The following KIRREL3 variants were observed in gnomAD, a reference collection of about 807,000 sequenced individuals.
The protein encoded by KIRREL3 is kin of IRRE-like protein 3.
Under a neutral mutation model 89.7 loss-of-function variants are expected in KIRREL3, and 36 were observed. The observed-to-expected ratio is 0.40, with a 90% confidence interval of 0.31 to 0.53. The LOEUF (loss-of-function observed/expected upper bound fraction) is 0.53. KIRREL3 is among the 20% of genes least tolerant of loss of function. The pLI is 0.49. For missense variants in KIRREL3, 864 were observed against 1,056.6 expected (o/e 0.82, Z 2.53); for synonymous variants, 445 against 441.4 (o/e 1.01, Z -0.10).
chr11:126,435,288 G>A lies in KIRREL3; in HGVS notation c.1568C>T (p.Ser523Leu). 18 of 1,613,204 alleles carry A rather than the reference G, an allele frequency of 1.1e-5. No homozygotes were observed. Among genetic ancestry groups the A allele is most frequent in the Non-Finnish European group, 1.4e-5 (16 of 1,179,556 alleles). The change falls in exon 13 of 17, where the codon TCG (serine) becomes TTG (leucine). Residue 523 changes from serine to leucine, a missense_variant. Physicochemically the swap from Ser to Leu is moderately radical, Grantham distance 145 (BLOSUM62 -2). Transcript: ENST00000525144. ...RLKEQGSEMK[S>L]GAGLEAESVP... Reference sequence around the variant, plus strand: ...CGTACCTGCTTCCAGCCCGGCTCCCGACTTCATTTCCGAACCTGTTTGGAA... The same window carrying A: ...CGTACCTGCTTCCAGCCCGGCTCCCAACTTCATTTCCGAACCTGTTTGGAA...
intron 1 of KIRREL3, among the ~76,000 whole-genome samples, chr11:126,799,012 CTGTGTGTATCTGTGCGTGTGCA>C (rs1195719058): frequency 6.6e-6 from 1 of 151,292 alleles, no homozygotes; most frequent in Non-Finnish European, 1.5e-5. Context: ...CTGTGTGTGC[CTGTGTGTATCTGTGCGTGTGCA>C]TGTGTGCATC....
chr11:126,457,128 C>A (rs1041752670), intron 6 of KIRREL3, among the ~76,000 whole-genome samples: 1 of 150,436 alleles, frequency 6.6e-6, no homozygotes, highest in Admixed American at 6.6e-5. Context: ...GACCGGAGGC[C>A]GACAGCGAGA....
In KIRREL3 at chr11:126,623,865, G is replaced by A. The variant is rs890257305; in HGVS notation, c.56-60953C>T. 6.6e-6 allele frequency among the ~76,000 whole-genome samples: 1 copy of A among 152,176 alleles called. No individual in the cohort carries two copies. The highest frequency in any genetic ancestry group is 2.4e-5 in the African/African-American group (1 of 41,430). On this transcript the variant is annotated intron_variant, in intron 1 of 16. Transcript: ENST00000525144. The surrounding 1 kb of genome is among the most constrained non-coding windows in gnomAD (Gnocchi z 4.1). Reference sequence around the variant, plus strand: ...TGTTGAACCTGGCAATAAACGTTATGCCTCTCCCCAACCCCAGTCCAGAAG... The same window carrying A: ...TGTTGAACCTGGCAATAAACGTTATACCTCTCCCCAACCCCAGTCCAGAAG...
chr11:126,601,487 G>A lies in KIRREL3; in HGVS notation c.56-38575C>T, dbSNP rs1347455785. ...ATGAACTTCCCGTGCTCAATCAAAC[G>A]TTATTATCCCAATGTAAGTCAATTT... On this transcript the variant is annotated intron_variant, in intron 1 of 16. Coordinates refer to ENST00000525144, the MANE Select transcript of KIRREL3 (RefSeq NM_032531.4). The surrounding 1 kb of genome is among the most constrained non-coding windows in gnomAD (Gnocchi z 5.8). Among the ~76,000 whole-genome samples, 4 of 152,200 alleles carry A rather than the reference G, an allele frequency of 2.6e-5. No individual in the cohort carries two copies. Among genetic ancestry groups the A allele is most frequent in the Non-Finnish European group, 4.4e-5 (3 of 68,042 alleles).
At position 126,623,491 on chromosome 11, in the gene KIRREL3, T is replaced by G. The variant is rs1943656107; in HGVS notation, c.56-60579A>C. On this transcript the variant is annotated intron_variant, in intron 1 of 16. Coordinates refer to ENST00000525144, the MANE Select transcript of KIRREL3 (RefSeq NM_032531.4). The surrounding 1 kb of genome is among the most constrained non-coding windows in gnomAD (Gnocchi z 4.1). ...ATTCTGTGATGTACGCGGCTCTGTG[T>G]GCTGGTGAGATTTTGTAGCCACTGG... is the stretch of plus-strand genomic sequence containing the variant. Among the ~76,000 whole-genome samples the G allele has an allele frequency of 6.6e-6, 1 of 152,152 alleles. No homozygotes were observed. The highest frequency in any genetic ancestry group is 2.4e-5 in the African/African-American group (1 of 41,426).
chr11:126,621,328 T>G (rs1218588820), intron 1 of KIRREL3, among the ~76,000 whole-genome samples: 2 of 152,158 alleles, frequency 1.3e-5, no homozygotes, highest in East Asian at 3.8e-4. Context: ...TGTCTTGCAA[T>G]TAGTACCCAG....
At position 126,601,675 on chromosome 11, in the gene KIRREL3, C is replaced by T. The variant is rs1464131712; in HGVS notation, c.56-38763G>A. On this transcript the variant is annotated intron_variant, in intron 1 of 16. Transcript: ENST00000525144. This position sits in a 1 kb window ranked among gnomAD's most constrained non-coding sequence, Gnocchi z 5.8. The stretch of plus-strand genomic sequence containing the variant: ...TCACAGTGTCCTGGCCCCCTCTGCC[C>T]ACTTGCCGCCCCTCCTCCATTCTTC... Among the ~76,000 whole-genome samples the T allele has an allele frequency of 6.6e-6, 1 of 152,198 alleles. No homozygotes were observed. The highest frequency in any genetic ancestry group is 1.5e-5 in the Non-Finnish European group (1 of 68,038).
rs149757341 is a variant in KIRREL3 at position 126,794,914 on chromosome 11, A to G, written c.55+205541T>C. Among the ~76,000 whole-genome samples, 283 of 152,366 alleles carry G rather than the reference A, an allele frequency of 1.9e-3. 1 individual carries two copies. Among genetic ancestry groups the G allele is most frequent in the African/African-American group, 5.6e-3 (233 of 41,590 alleles). ...CACAGTGAAATTTTATTCAGTGATA[A>G]AAAGAAATGAGGTATCAAGCCACAA... On this transcript the variant is annotated intron_variant, in intron 1 of 16. Transcript: ENST00000525144.
In KIRREL3 at chr11:126,640,382, A is replaced by G. The variant is rs117761219; in HGVS notation, c.56-77470T>C. On this transcript the variant is annotated intron_variant, in intron 1 of 16. Transcript: ENST00000525144. This position sits in a 1 kb window ranked among gnomAD's most constrained non-coding sequence, Gnocchi z 4.9. ...CGCGCGCACACACACGCACACGCGC[A>G]CACACAGAATTAAAAGGCATCCTCA... Among the ~76,000 whole-genome samples the G allele has an allele frequency of 0.023, 3,577 of 152,278 alleles. 40 individuals are homozygous for G. Among genetic ancestry groups the G allele is most frequent in the Middle Eastern group, 0.088 (26 of 294 alleles).
chr11:126,619,274 T>A (rs1943481919), intron 1 of KIRREL3, among the ~76,000 whole-genome samples: 1 of 152,162 alleles, frequency 6.6e-6, no homozygotes, highest in South Asian at 2.1e-4. Context: ...GAGGCCAGAC[T>A]GAGTTTGGCA....
intron 1 of KIRREL3, among the ~76,000 whole-genome samples, chr11:126,701,278 G>A (rs1565661150): frequency 6.6e-6 from 1 of 152,178 alleles, no homozygotes; most frequent in Non-Finnish European, 1.5e-5. Context: ...TGTTACAAGT[G>A]ATTGGTCTTT....
At chr11:126,922,402 G>C (rs1323387834) in intron 1 of KIRREL3, among the ~76,000 whole-genome samples, 1 of 152,038 alleles carries the variant, frequency 6.6e-6, no homozygotes, top group African/African-American at 2.4e-5. Flanking sequence ...GCCTCTTCCT[G>C]CTTCTTAAAC....
At chr11:126,481,028 A>G (rs1957204913) in intron 4 of KIRREL3, among the ~76,000 whole-genome samples, 1 of 152,180 alleles carries the variant, frequency 6.6e-6, no homozygotes, top group African/African-American at 2.4e-5. Flanking sequence ...AGAAATTCGT[A>G]TTGAGCACCT....
At chr11:126,874,005 C>A (rs1032042159) in intron 1 of KIRREL3, among the ~76,000 whole-genome samples, 5 of 152,116 alleles carry the variant, frequency 3.3e-5, no homozygotes, top group African/African-American at 1.2e-4. Flanking sequence ...CAAGACAAAC[C>A]CAGTAATGTC....
chr11:126,758,069 G>T (rs79683501), intron 1 of KIRREL3, among the ~76,000 whole-genome samples: 112 of 152,302 alleles, frequency 7.4e-4, no homozygotes, highest in Non-Finnish European at 1.4e-3. Flanking sequence ...TTCCAGTGTC[G>T]CCATGTAGGA....
Position 126,574,606 on chromosome 11 carries a change from C to T in KIRREL3, c.56-11694G>A, listed in dbSNP as rs933395428. 6.6e-6 allele frequency among the ~76,000 whole-genome samples: 1 copy of T among 152,172 alleles called. No homozygotes were observed. Among genetic ancestry groups the T allele is most frequent in the African/African-American group, 2.4e-5 (1 of 41,444 alleles). On this transcript the variant is annotated intron_variant, in intron 1 of 16. Coordinates refer to ENST00000525144, the MANE Select transcript of KIRREL3 (RefSeq NM_032531.4). This position sits in a 1 kb window ranked among gnomAD's most constrained non-coding sequence, Gnocchi z 5.3. Reference sequence around the variant, plus strand: ...CAATAGCTGAGCCCCAGAGAAGTGACCCCTTTTGGGGTTATCCAATCTAGC... The same window carrying T: ...CAATAGCTGAGCCCCAGAGAAGTGATCCCTTTTGGGGTTATCCAATCTAGC...
chr11:126,937,701 C>A (rs182892081), intron 1 of KIRREL3, among the ~76,000 whole-genome samples: 1 of 151,906 alleles, frequency 6.6e-6, no homozygotes, highest in Admixed American at 6.6e-5. Flanking sequence ...AGATCAAGAC[C>A]ATCCTGGCTA....
rs1480581334 is a variant in KIRREL3 at position 126,954,631 on chromosome 11, C to T, written c.55+45824G>A. 6.6e-6 allele frequency among the ~76,000 whole-genome samples: 1 copy of T among 151,994 alleles called. No individual in the cohort carries two copies. Among genetic ancestry groups the T allele is most frequent in the Admixed American group, 6.5e-5 (1 of 15,272 alleles). ...CATCTTCCCAAACCCTACAAGATGG[C>T]TTGATTCACAACACTATATTTCAAC... is the stretch of plus-strand genomic sequence containing the variant. On this transcript the variant is annotated intron_variant, in intron 1 of 16. Coordinates refer to ENST00000525144, the MANE Select transcript of KIRREL3 (RefSeq NM_032531.4). This position sits in a 1 kb window ranked among gnomAD's most constrained non-coding sequence, Gnocchi z 4.1.
Position 126,976,428 on chromosome 11 carries a change from A to AT in KIRREL3, c.55+24026dup. On this transcript the variant is annotated intron_variant, in intron 1 of 16. Coordinates refer to ENST00000525144, the MANE Select transcript of KIRREL3 (RefSeq NM_032531.4). The surrounding 1 kb of genome is among the most constrained non-coding windows in gnomAD (Gnocchi z 4.2). ...ATCTCCTGCAGATTTTTTTCTGGAG[A>AT]TTTATATGTTTACCTGTCCACTGTT... Among the ~76,000 whole-genome samples, 1 of 151,976 alleles carries AT rather than the reference A, an allele frequency of 6.6e-6. No homozygotes were observed. The highest frequency in any genetic ancestry group is 6.6e-5 in the Admixed American group (1 of 15,254).
Sources: allele counts gnomAD v4.1 joint callset (sites outside exome capture counted in the v4.1 genomes callset), GRCh38; gene constraint gnomAD v4.1.1; non-coding constraint Gnocchi (gnomAD v3.1); transcripts MANE v1.5; gene names NCBI Gene and HGNC (gene_info 2026-07-23, HGNC 2026-07-21).